ARHGAP23: variants seen among roughly 807,000 people sequenced by gnomAD.
ARHGAP23 encodes the protein Rho GTPase activating protein 23.
In ARHGAP23, 34 loss-of-function variants were observed where a neutral mutation model predicts 136.3. The ratio of observed to expected loss-of-function variants is 0.25; its 90% CI spans 0.19 to 0.33. ARHGAP23 has a LOEUF of 0.33. ARHGAP23 is among the 10% of genes least tolerant of loss of function. The probability of loss-of-function intolerance (pLI) is 1.00; values close to 1 mark genes in which losing one functional copy is unlikely to be tolerated. For missense variants in ARHGAP23, 1,808 were observed against 2,139.0 expected (o/e 0.85, Z 3.05); for synonymous variants, 832 against 920.5 (o/e 0.90, Z 1.74).
At chr17:38,474,301 C>T (rs2039837243) in intron 11 of ARHGAP23, among the ~76,000 whole-genome samples, 2 of 152,146 alleles carry the variant, frequency 1.3e-5, no homozygotes, top group African/African-American at 4.8e-5. Flanking sequence ...ATCCCATTGC[C>T]CTTGTCCAGG....
At chr17:38,444,104 A>T (rs778165899) in intron 1 of ARHGAP23, among the ~76,000 whole-genome samples, 24 of 152,180 alleles carry the variant, frequency 1.6e-4, no homozygotes, top group Admixed American at 5.2e-4. Flanking sequence ...AGACCCCGAG[A>T]TTCCACAGTT....
chr17:38,458,054 A>G (rs1163827768), intron 1 of ARHGAP23, 48 bp from the exon 2 acceptor site: 1 of 1,532,868 alleles, frequency 6.5e-7, no homozygotes, highest in East Asian at 2.4e-5. Context: ...AAACAGCCAG[A>G]AGTGTCAGCC....
intron 6 of ARHGAP23, among the ~76,000 whole-genome samples, chr17:38,465,547 A>G (rs1275470024): frequency 6.6e-6 from 1 of 152,228 alleles, no homozygotes; most frequent in Non-Finnish European, 1.5e-5. Flanking sequence ...TTAGCAATGC[A>G]GCGTCAGCCT....
chr17:38,480,667 G>C (rs1386142125), intron 14 of ARHGAP23, among the ~76,000 whole-genome samples: 3 of 151,372 alleles, frequency 2.0e-5, no homozygotes, highest in African/African-American at 7.3e-5. Flanking sequence ...ACCCGGGCGT[G>C]GTGGTGTGCG....
rs952005582 is a variant in ARHGAP23 at position 38,437,808 on chromosome 17, C to T, written c.63+9260C>T. 2.0e-5 allele frequency among the ~76,000 whole-genome samples: 3 copies of T among 149,640 alleles called. No individual in the cohort carries two copies. In the South Asian group the frequency reaches 6.3e-4, roughly 32 times the overall value. Reference sequence around the variant, plus strand: ...TTGGCATAACGAAGGGGGGGGAGGGCAGATGTAATGGGTGGTGGGTGCAGA... The same window carrying T: ...TTGGCATAACGAAGGGGGGGGAGGGTAGATGTAATGGGTGGTGGGTGCAGA... On this transcript the variant is annotated intron_variant, in intron 1 of 23. Coordinates refer to ENST00000622683, the MANE Select transcript of ARHGAP23 (RefSeq NM_001199417.2).
intron 16 of ARHGAP23, among the ~76,000 whole-genome samples, chr17:38,483,641 T>C (rs1315420485): frequency 6.6e-6 from 1 of 152,284 alleles, no homozygotes; most frequent in Non-Finnish European, 1.5e-5. Flanking sequence ...GCTCATGGAA[T>C]ACACAAGTCT....
rs758815578 is a variant in ARHGAP23 at position 38,466,204 on chromosome 17, C to T, written c.521C>T (p.Pro174Leu). 61 of 1,529,076 alleles carry T rather than the reference C, an allele frequency of 4.0e-5. 1 individual carries two copies. In the Admixed American group the frequency reaches 9.7e-4, roughly 24 times the overall value. 94.7% of individuals were successfully genotyped at this position (1,529,076 alleles called of 1,614,324 possible). The change falls in exon 7 of 24, where the codon CCG becomes CTG. Residue 174 changes from proline (P) to leucine (L), a missense_variant. This residue lies in a region of ARHGAP23 where 859 missense variants were observed against 936.4 expected (regional missense o/e 0.92). Coordinates refer to ENST00000622683, the MANE Select transcript of ARHGAP23 (RefSeq NM_001199417.2). ...SQDAYLKGNE[P>L]YSGEARSIPE... ...GATGCCTACCTGAAAGGGAACGAGC[C>T]GTATTCTGGAGAGGCCCGCAGCATC...
At chr17:38,435,089 G>C (rs1669763584) in intron 1 of ARHGAP23, among the ~76,000 whole-genome samples, 1 of 152,236 alleles carries the variant, frequency 6.6e-6, no homozygotes, top group South Asian at 2.1e-4. Flanking sequence ...CTCCTTCCCT[G>C]TCTCTCCATT....
rs1262479109 is a variant in ARHGAP23, at chr17:38,462,921, A to G, written c.329A>G (p.His110Arg). ...VKNVKEDGPA[H>R]RAGLRTGDRL... ...AATGTGAAGGAAGACGGCCCTGCCCATAGGGCGGGGCTTCGCACAGGTGAG... is the reference window on the plus strand; with the variant it reads ...AATGTGAAGGAAGACGGCCCTGCCCGTAGGGCGGGGCTTCGCACAGGTGAG... The change falls in exon 4 of 24, where the codon CAT becomes CGT. Residue 110 changes from histidine to arginine, a missense_variant. Transcript: ENST00000622683. 6 of 1,538,942 alleles carry G rather than the reference A, an allele frequency of 3.9e-6. No individual in the cohort carries two copies. Among genetic ancestry groups the G allele is most frequent in the Middle Eastern group, 1.7e-4 (1 of 5,972 alleles).
At position 38,469,882 on chromosome 17, in the gene ARHGAP23, T is replaced by G. The variant is rs1315256622; in HGVS notation, c.1952T>G (p.Leu651Arg). The G allele has an allele frequency of 6.4e-7, 1 of 1,551,690 alleles. No homozygotes were observed. Among genetic ancestry groups the G allele is most frequent in the Non-Finnish European group, 8.7e-7 (1 of 1,146,984 alleles). ...LPNRIPSLRM[L>R]RSFFTDGSLD... ...AACCGCATACCCAGCCTGCGGATGCTCCGGAGCTTCTTCACCGACGGGGTG... is the reference window on the plus strand; with the variant it reads ...AACCGCATACCCAGCCTGCGGATGCGCCGGAGCTTCTTCACCGACGGGGTG... The change falls in exon 10 of 24, where the codon CTC becomes CGC. Residue 651 changes from leucine to arginine, a missense_variant. Physicochemically the swap from Leu to Arg is moderately radical, Grantham distance 102. Coordinates refer to ENST00000622683, the MANE Select transcript of ARHGAP23 (RefSeq NM_001199417.2).
intron 13 of ARHGAP23, 22 bp downstream of exon 13, chr17:38,479,519 G>A: frequency 3.2e-6 from 5 of 1,545,566 alleles, no homozygotes; most frequent in Non-Finnish European, 3.5e-6. Context: ...CCCTCGTGGA[G>A]CAGTCTCCTC....
At chr17:38,494,329 C>T (rs1353608848) in intron 20 of ARHGAP23, among the ~76,000 whole-genome samples, 4 of 152,314 alleles carry the variant, frequency 2.6e-5, no homozygotes, top group African/African-American at 4.8e-5. Flanking sequence ...TCCTAAGTGT[C>T]GTGTGAGAAC....
At position 38,469,514 on chromosome 17, in the gene ARHGAP23, G is replaced by A; in HGVS notation, c.1805-10G>A. On this transcript the variant is annotated splice_polypyrimidine_tract_variant and intron_variant, in intron 8 of 23. Coordinates refer to ENST00000622683, the MANE Select transcript of ARHGAP23 (RefSeq NM_001199417.2). ...GCTGACCCTGAGGCCCGATGTGGGCGGCTTTGCAGGCAGCATCAAGGCTGG... is the reference window on the plus strand; with the variant it reads ...GCTGACCCTGAGGCCCGATGTGGGCAGCTTTGCAGGCAGCATCAAGGCTGG... 4 of 1,547,010 alleles carry A rather than the reference G, an allele frequency of 2.6e-6. No individual in the cohort carries two copies. Among genetic ancestry groups the A allele is most frequent in the Non-Finnish European group, 3.5e-6 (4 of 1,145,744 alleles).
In ARHGAP23 at chr17:38,469,196, T is replaced by C; in HGVS notation, c.1701T>C (p.Ser567=). Residue 567 remains serine (S), a synonymous_variant, in exon 8 of 24, where the codon TCT becomes TCC. Coordinates refer to ENST00000622683, the MANE Select transcript of ARHGAP23 (RefSeq NM_001199417.2). ...TCCAAGCCAAGCACGTCCCTGCCTC[T>C]GCTGTGGTCTCCAGTGCCATGAACT... ...IDLQAKHVPA[S]AVVSSAMNSA... 1 of 1,551,672 alleles carries C rather than the reference T, an allele frequency of 6.4e-7. No individual in the cohort carries two copies. The highest frequency in any genetic ancestry group is 8.7e-7 in the Non-Finnish European group (1 of 1,146,846).
intron 1 of ARHGAP23, among the ~76,000 whole-genome samples, chr17:38,434,950 T>C (rs2038763243): frequency 1.3e-5 from 2 of 152,152 alleles, no homozygotes. Flanking sequence ...ACCTCCCGCA[T>C]AGAGTCTCCC....
chr17:38,484,869 G>A (rs1203443253), intron 16 of ARHGAP23, among the ~76,000 whole-genome samples: 25 of 152,254 alleles, frequency 1.6e-4, no homozygotes, highest in Admixed American at 1.6e-3. Flanking sequence ...TGAGCCTGTG[G>A]GGAGTGTATT....
intron 10 of ARHGAP23, among the ~76,000 whole-genome samples, chr17:38,470,440 T>C (rs1236452206): frequency 6.6e-6 from 1 of 152,110 alleles, no homozygotes; most frequent in Non-Finnish European, 1.5e-5. Flanking sequence ...GGGTGGACAC[T>C]GGAAAGGTGT....
intron 1 of ARHGAP23, among the ~76,000 whole-genome samples, chr17:38,447,465 A>G (rs942520343): frequency 6.7e-6 from 1 of 149,218 alleles, no homozygotes; most frequent in African/African-American, 2.5e-5. Context: ...AAAAAAAAAA[A>G]GAAATAATTT....
chr17:38,437,509 C>T (rs760332376), intron 1 of ARHGAP23, among the ~76,000 whole-genome samples: 1 of 151,780 alleles, frequency 6.6e-6, no homozygotes, highest in African/African-American at 2.4e-5. Flanking sequence ...CCCAGCTACT[C>T]GGGAGGCTGA....
Sources: allele counts gnomAD v4.1 joint callset (sites outside exome capture counted in the v4.1 genomes callset), GRCh38; gene constraint gnomAD v4.1.1; regional missense constraint gnomAD v4.1.1; transcripts MANE v1.5; gene names NCBI Gene and HGNC (gene_info 2026-07-23, HGNC 2026-07-21).